The following IGSF9B variants were observed in gnomAD, a reference collection of about 807,000 sequenced individuals.
IGSF9B encodes immunoglobulin superfamily member 9B.
A neutral mutation model predicts 143.7 loss-of-function variants in IGSF9B; 48 were observed. That is an observed-to-expected ratio of 0.33 (90% CI 0.26 to 0.42). The LOEUF is 0.42. Ranked by LOEUF, IGSF9B falls within the 20% of genes least tolerant of loss-of-function variation. The probability of loss-of-function intolerance (pLI) is 1.00; values close to 1 mark genes in which losing one functional copy is unlikely to be tolerated. For synonymous variants in IGSF9B, 903 were observed against 833.1 expected (o/e 1.08, Z -1.44); for missense variants, 1,706 against 1,980.0 (o/e 0.86, Z 2.63).
At chr11:133,922,482 G>A (rs1939559001) in intron 16 of IGSF9B, 87 bp downstream of exon 16, 1 of 1,310,426 alleles carries the variant, frequency 7.6e-7, no homozygotes, top group East Asian at 2.4e-5. Context: ...TTTCCAAGGG[G>A]GGCCATGCTA....
Position 133,935,754 on chromosome 11 carries a change from T to C in IGSF9B, c.830A>G (p.Lys277Arg). The change falls in exon 7 of 20, where the codon AAG becomes AGG. Residue 277 changes from lysine to arginine, a missense_variant. Around this residue, in one of 7 missense-constraint regions of IGSF9B, gnomAD observed 238 missense variants for 452.6 expected, o/e 0.53. Transcript: ENST00000533871. ...DENVYFQNDL[K>R]LRVRILIDGT... is the part of the protein sequence containing the mutation. Reference sequence around the variant, plus strand: ...ATCGATTAGGATGCGCACCCTCAGCTTCAGGTCGCTGCAAAGCGGCATGGG... The same window carrying C: ...ATCGATTAGGATGCGCACCCTCAGCCTCAGGTCGCTGCAAAGCGGCATGGG... The C allele has an allele frequency of 6.2e-7, 1 of 1,611,870 alleles. No homozygotes were observed. The highest frequency in any genetic ancestry group is 8.5e-7 in the Non-Finnish European group (1 of 1,179,454).
rs1167618083 is a variant in IGSF9B, at chr11:133,898,267, AAAG to A, written c.*10799_*10801del. On this transcript the variant is annotated 3_prime_UTR_variant, in exon 20 of 20. Transcript: ENST00000533871. ...GACGAAACTGACAGTCATATCCAGA[AAAG>A]AAGAACTACAGCAAGAGGCTGCCGC... 2.6e-5 allele frequency: 4 copies of A among 152,290 alleles called. No individual in the cohort carries two copies. The highest frequency in any genetic ancestry group is 2.0e-4 in the Admixed American group (3 of 15,284). The allele number at this position is 152,290 out of a possible 1,614,324, so 9.4% of individuals were successfully genotyped here. A position where few individuals can be genotyped will look rare whatever the true frequency, so the allele number is the denominator to read the frequency against.
At chr11:133,935,815 G>A (rs565516395) in intron 6 of IGSF9B, 53 bp from the exon 7 acceptor site, 132 of 1,584,084 alleles carry the variant, frequency 8.3e-5, no homozygotes, top group East Asian at 1.1e-4. Context: ...GGATCTTGCC[G>A]CAGACACACA....
rs529808825 is a variant in IGSF9B at position 133,901,579 on chromosome 11, T to A, written c.*7490A>T. 3.3e-5 allele frequency: 5 copies of A among 152,370 alleles called. No homozygotes were observed. Among genetic ancestry groups the A allele is most frequent in the African/African-American group, 1.2e-4 (5 of 41,528 alleles). 9.4% of individuals were successfully genotyped at this position (152,370 alleles called of 1,614,324 possible). ...TTGCATCTGATCCTTGCCTCCCACA[T>A]ACATTCCCCTCTCTCCTTAAAATAG... On this transcript the variant is annotated 3_prime_UTR_variant, in exon 20 of 20. Transcript: ENST00000533871.
chr11:133,933,742 TGGCTCTC>T (rs904633586), intron 7 of IGSF9B, among the ~76,000 whole-genome samples: 30 of 152,106 alleles, frequency 2.0e-4, no homozygotes, highest in African/African-American at 7.0e-4. Context: ...AGCAGGACCC[TGGCTCTC>T]GGAGGAGCAA....
Position 133,911,917 on chromosome 11 carries a change from G to C in IGSF9B, c.4074C>G (p.Ser1358=). The C allele has an allele frequency of 6.5e-7, 1 of 1,534,830 alleles. No individual in the cohort carries two copies. The highest frequency in any genetic ancestry group is 1.2e-5 in the South Asian group (1 of 83,882). ...GTTTCTTTGACTTCGAAGAGCCCTT[G>C]GATGACTTTTTGGGCTTCTTTATCC... ...YQRIKKPKKS[S]KGSSKSKKRS... The change falls in exon 19 of 20, where the codon TCC becomes TCG. Residue 1358 remains serine, a synonymous_variant. Coordinates refer to ENST00000533871, the MANE Select transcript of IGSF9B (RefSeq NM_001277285.4).
rs1939025114 is a variant in IGSF9B at position 133,896,845 on chromosome 11, C to A, written c.*12224G>T. ...ACAAAGGGATCACCATCATCAGCAG[C>A]CAGGGCAGGCGTCTATTGCTTAGGG... On this transcript the variant is annotated 3_prime_UTR_variant, in exon 20 of 20. Coordinates refer to ENST00000533871, the MANE Select transcript of IGSF9B (RefSeq NM_001277285.4). The A allele has an allele frequency of 6.6e-6, 1 of 152,338 alleles. No homozygotes were observed. 9.4% of individuals were successfully genotyped at this position (152,338 alleles called of 1,614,324 possible).
intron 1 of IGSF9B, among the ~76,000 whole-genome samples, chr11:133,955,548 C>T (rs745386778): frequency 1.4e-4 from 22 of 152,196 alleles, no homozygotes; most frequent in Non-Finnish European, 2.9e-4. Flanking sequence ...CGAGTCCTGC[C>T]TGCTGACTCC....
At position 133,920,671 on chromosome 11, in the gene IGSF9B, C is replaced by A. The variant is rs370928243; in HGVS notation, c.3054G>T (p.Glu1018Asp). 1 of 1,613,536 alleles carries A rather than the reference C, an allele frequency of 6.2e-7. No homozygotes were observed. Among genetic ancestry groups the A allele is most frequent in the Non-Finnish European group, 8.5e-7 (1 of 1,179,826 alleles). Residue 1018 changes from glutamate to aspartate, a missense_variant, in exon 18 of 20, where the codon GAG (glutamate) becomes GAT (aspartate). Physicochemically the swap from Glu to Asp is conservative, Grantham distance 45 (BLOSUM62 2). This residue lies in a region of IGSF9B where 880 missense variants were observed against 762.9 expected (regional missense o/e 1.15). Transcript: ENST00000533871. ...AGGGCAGCGTGCTGTTGGATGCATT[C>A]TCTCCATTCTCCTCGGGGATGGTGG... ...GHPTIPEENG[E>D]NASNSTLPLT...
chr11:133,902,226 A>G lies in IGSF9B; in HGVS notation c.*6843T>C, dbSNP rs1939142177. 6.8e-6 allele frequency among the ~76,000 whole-genome samples: 1 copy of G among 146,846 alleles called. No individual in the cohort carries two copies. Among genetic ancestry groups the G allele is most frequent in the Non-Finnish European group, 1.5e-5 (1 of 66,780 alleles). ...CACAAGCATACACCACACGCAACAT[A>G]CACACACCAAACCACACTCAACACA... On this transcript the variant is annotated 3_prime_UTR_variant, in exon 20 of 20. Coordinates refer to ENST00000533871, the MANE Select transcript of IGSF9B (RefSeq NM_001277285.4).
chr11:133,948,097 G>C lies in IGSF9B; in HGVS notation c.65-1839C>G, dbSNP rs1425510106. Among the ~76,000 whole-genome samples the C allele has an allele frequency of 6.7e-6, 1 of 149,936 alleles. No individual in the cohort carries two copies. Among genetic ancestry groups the C allele is most frequent in the Non-Finnish European group, 1.5e-5 (1 of 67,480 alleles). ...TGTGTGTGTGTGTGTGTGTCTGTGT[G>C]TGTTTCGGTTGGCTCATGCAAGGGG... is the stretch of plus-strand genomic sequence containing the variant. On this transcript the variant is annotated intron_variant, in intron 1 of 19. Transcript: ENST00000533871. The surrounding 1 kb of genome is among the most constrained non-coding windows in gnomAD (Gnocchi z 4.7).
intron 7 of IGSF9B, 72 bp downstream of exon 7, chr11:133,935,545 A>G: frequency 2.0e-6 from 3 of 1,485,300 alleles, no homozygotes; most frequent in East Asian, 2.4e-5. Flanking sequence ...GCTACCCTCC[A>G]GCCTACAGTC....
rs1386548864 is a variant in IGSF9B, at chr11:133,902,769, T to A, written c.*6300A>T. ...TGTTCATGGGAGGCCATATAAAACC[T>A]CATTGATAGAGTGGCTGACAACTAC... On this transcript the variant is annotated 3_prime_UTR_variant, in exon 20 of 20. Coordinates refer to ENST00000533871, the MANE Select transcript of IGSF9B (RefSeq NM_001277285.4). 6.6e-6 allele frequency among the ~76,000 whole-genome samples: 1 copy of A among 152,098 alleles called. No individual in the cohort carries two copies. The highest frequency in any genetic ancestry group is 1.5e-5 in the Non-Finnish European group (1 of 68,016).
chr11:133,920,303 C>T lies in IGSF9B; in HGVS notation c.3422G>A (p.Gly1141Asp), dbSNP rs754087981. 2 of 1,564,270 alleles carry T rather than the reference C, an allele frequency of 1.3e-6. No homozygotes were observed. The highest frequency in any genetic ancestry group is 2.3e-5 in the East Asian group (1 of 44,350). ...SQGQLRHTSQ[G>D]MGIPVLPYPE... ...GTAAGGCAGCACAGGTATGCCCATG[C>T]CTTGGCTTGTATGTCGCAGCTGCCC... The change falls in exon 18 of 20, where the codon GGC becomes GAC. Residue 1141 changes from glycine to aspartate, a missense_variant. By Grantham distance (94) the Gly-to-Asp change is moderately conservative (BLOSUM62 -1). Transcript: ENST00000533871.
In IGSF9B at chr11:133,903,154, A is replaced by G. The variant is rs1292842693; in HGVS notation, c.*5915T>C. On this transcript the variant is annotated 3_prime_UTR_variant, in exon 20 of 20. Coordinates refer to ENST00000533871, the MANE Select transcript of IGSF9B (RefSeq NM_001277285.4). The stretch of plus-strand genomic sequence containing the variant: ...TAACTGGTGTGTATACGGGGTGGCG[A>G]GGGAGAACCTGCCCTAGTTCGCAAA... 6.6e-6 allele frequency among the ~76,000 whole-genome samples: 1 copy of G among 152,160 alleles called. No homozygotes were observed. The highest frequency in any genetic ancestry group is 2.4e-5 in the African/African-American group (1 of 41,434).
rs952020574 is a variant in IGSF9B at position 133,904,946 on chromosome 11, C to G, written c.*4123G>C. On this transcript the variant is annotated 3_prime_UTR_variant, in exon 20 of 20. Transcript: ENST00000533871. ...ACACAGCCACATGGGGCTCTACACACTGCCTACTAGATCCACTTTATATGA... is the reference window on the plus strand; with the variant it reads ...ACACAGCCACATGGGGCTCTACACAGTGCCTACTAGATCCACTTTATATGA... Among the ~76,000 whole-genome samples, 4 of 150,146 alleles carry G rather than the reference C, an allele frequency of 2.7e-5. No homozygotes were observed.
chr11:133,950,661 G>T (rs990256468), intron 1 of IGSF9B, among the ~76,000 whole-genome samples: 1 of 152,196 alleles, frequency 6.6e-6, no homozygotes, highest in African/African-American at 2.4e-5. Context: ...CTGGGGACAG[G>T]TTTTGCCAGC....
chr11:133,922,100 G>T (rs536744393), intron 17 of IGSF9B, 77 bp downstream of exon 17: 240 of 1,203,842 alleles, frequency 2.0e-4, no homozygotes, highest in South Asian at 9.8e-4. Context: ...CTAACATGGG[G>T]CTGGGTAAGG....
Position 133,937,356 on chromosome 11 carries a change from G to A in IGSF9B, c.679+20C>T, listed in dbSNP as rs1421209597. ...CCCGCGGGAGCCCAGGGTTAAAGAG[G>A]CTGAGGAAATGGCTCCTACCTTGGA... On this transcript the variant is annotated intron_variant, in intron 5 of 19. Transcript: ENST00000533871. 1.3e-6 allele frequency: 2 copies of A among 1,568,362 alleles called. No individual in the cohort carries two copies. Among genetic ancestry groups the A allele is most frequent in the African/African-American group, 1.4e-5 (1 of 74,064 alleles).
Sources: allele counts gnomAD v4.1 joint callset (sites outside exome capture counted in the v4.1 genomes callset), GRCh38; gene constraint gnomAD v4.1.1; regional missense constraint gnomAD v4.1.1; non-coding constraint Gnocchi (gnomAD v3.1); transcripts MANE v1.5; gene names NCBI Gene and HGNC (gene_info 2026-07-23, HGNC 2026-07-21).